Variants in FRAS1 observed in about 807,000 individuals in gnomAD.
FRAS1 encodes extracellular matrix organizing protein FRAS1.
Under a neutral mutation model 435.2 loss-of-function variants are expected in FRAS1, and 290 were observed. That is an observed-to-expected ratio of 0.67 (90% confidence interval 0.61 to 0.73). The LOEUF is 0.73. FRAS1 is among the 30% of genes least tolerant of loss of function. The probability of loss-of-function intolerance (pLI) is 0.00; values close to 1 mark genes in which losing one functional copy is unlikely to be tolerated. For missense variants in FRAS1, 4,860 were observed against 5,001.5 expected (o/e 0.97, Z 0.85); for synonymous variants, 1,800 against 1,851.0 (o/e 0.97, Z 0.71).
intron 67 of FRAS1, 90 bp downstream of exon 67, chr4:78,519,571 C>A: frequency 7.1e-7 from 1 of 1,416,686 alleles, no homozygotes; most frequent in Non-Finnish European, 9.6e-7. Context: ...ACAGTAGCTG[C>A]ATTTCTCATC....
intron 58 of FRAS1, among the ~76,000 whole-genome samples, chr4:78,483,658 A>G (rs568782042): frequency 1.5e-4 from 22 of 151,540 alleles, no homozygotes; most frequent in Admixed American, 1.1e-3. Context: ...GTATACTATG[A>G]AAATTAAATC....
At chr4:78,497,211 C>G (rs1720533166) in intron 60 of FRAS1, among the ~76,000 whole-genome samples, 2 of 152,056 alleles carry the variant, frequency 1.3e-5, no homozygotes, top group South Asian at 4.1e-4. Flanking sequence ...TGGTCAAAAG[C>G]TGAGACAGAA....
chr4:78,362,896 A>G (rs2219154), intron 20 of FRAS1, among the ~76,000 whole-genome samples: 27,915 of 152,086 alleles, frequency 0.18, 3,487 homozygotes, highest in African/African-American at 0.34. Flanking sequence ...GGTGGGGCAT[A>G]CCATAGGTAG....
At chr4:78,183,137 A>G (rs1015010573) in intron 2 of FRAS1, among the ~76,000 whole-genome samples, 11 of 152,196 alleles carry the variant, frequency 7.2e-5, no homozygotes, top group Admixed American at 1.3e-4. Flanking sequence ...TAGTGGGTCA[A>G]GCCAGATATG....
Position 78,469,987 on chromosome 4 carries a change from G to C in FRAS1, c.7267G>C (p.Ala2423Pro). 2 of 1,612,984 alleles carry C rather than the reference G, an allele frequency of 1.2e-6. No homozygotes were observed. The highest frequency in any genetic ancestry group is 1.7e-6 in the Non-Finnish European group (2 of 1,179,248). ...IEEGGKEIMT[A>P]APQPFRVDIL... ...CTGCCCTCCCCTTCAGATTATGACA[G>C]CAGCACCTCAGCCGTTCCGAGTAGA... is the stretch of plus-strand genomic sequence containing the variant. Residue 2423 changes from alanine (A) to proline (P), a missense_variant, in exon 51 of 74, where the codon GCA becomes CCA. Physicochemically the swap from Ala to Pro is conservative, Grantham distance 27. Transcript: ENST00000512123.
intron 2 of FRAS1, among the ~76,000 whole-genome samples, chr4:78,109,184 G>T (rs1742557793): frequency 2.6e-5 from 2 of 75,888 alleles, no homozygotes; most frequent in East Asian, 6.5e-4. Flanking sequence ...GGAGGAACTG[G>T]TACCATTCCT....
chr4:78,112,206 A>G (rs1742765533), intron 2 of FRAS1, among the ~76,000 whole-genome samples: 1 of 152,174 alleles, frequency 6.6e-6, no homozygotes, highest in African/African-American at 2.4e-5. Flanking sequence ...TGCTTGATAA[A>G]AAGTAATAAC....
At chr4:78,377,282 T>TG in intron 26 of FRAS1, among the ~76,000 whole-genome samples, 1 of 152,236 alleles carries the variant, frequency 6.6e-6, no homozygotes, top group African/African-American at 2.4e-5. Context: ...GACTTCCCCA[T>TG]GGGAAAAAAT....
At position 78,488,921 on chromosome 4, in the gene FRAS1, G is replaced by C. The variant is rs757664481; in HGVS notation, c.8799G>C (p.Lys2933Asn). The C allele has an allele frequency of 6.2e-7, 1 of 1,613,422 alleles. No homozygotes were observed. The highest frequency in any genetic ancestry group is 8.5e-7 in the Non-Finnish European group (1 of 1,179,690). The change falls in exon 59 of 74, where the codon AAG becomes AAC. Residue 2933 changes from lysine (K) to asparagine (N), a missense_variant. Coordinates refer to ENST00000512123, the MANE Select transcript of FRAS1 (RefSeq NM_025074.7). ...AGGATTTGCTCCTAGTGAAGGAGAA[G>C]GAGGGTGTCCTGCATGTCCCTATCA... ...FAKDLLLVKE[K>N]EGVLHVPITR...
intron 31 of FRAS1, among the ~76,000 whole-genome samples, chr4:78,408,741 G>A (rs1578305193): frequency 1.3e-5 from 2 of 152,168 alleles, no homozygotes; most frequent in African/African-American, 4.8e-5. Context: ...CAGATAGGTA[G>A]CATTATATAA....
chr4:78,063,951 T>C (rs937949207), intron 1 of FRAS1, among the ~76,000 whole-genome samples: 5 of 152,088 alleles, frequency 3.3e-5, no homozygotes, highest in African/African-American at 1.2e-4. Context: ...AATAATTAAA[T>C]ATGTCCATAT....
chr4:78,356,820 T>A (rs1433970362), intron 20 of FRAS1, among the ~76,000 whole-genome samples: 1 of 151,960 alleles, frequency 6.6e-6, no homozygotes, highest in Non-Finnish European at 1.5e-5. Flanking sequence ...AAATTCTCAT[T>A]TAAATCTATA....
chr4:78,459,600 C>T (rs370064913), intron 47 of FRAS1, among the ~76,000 whole-genome samples: 1 of 152,194 alleles, frequency 6.6e-6, no homozygotes. Flanking sequence ...AGGATGCACC[C>T]ATTGTCTTGG....
At chr4:78,356,460 G>A (rs1309088138) in intron 20 of FRAS1, among the ~76,000 whole-genome samples, 1 of 152,126 alleles carries the variant, frequency 6.6e-6, no homozygotes, top group African/African-American at 2.4e-5. Flanking sequence ...GAGTGAAAAG[G>A]TCTTCCCCAG....
At chr4:78,529,049 A>G (rs73828016) in intron 70 of FRAS1, among the ~76,000 whole-genome samples, 3,583 of 152,232 alleles carry the variant, frequency 0.024, 135 homozygotes, top group African/African-American at 0.082. Context: ...GTGATGGTGC[A>G]TAATGGGCCT....
At chr4:78,178,664 G>T (rs915614104) in intron 2 of FRAS1, among the ~76,000 whole-genome samples, 1 of 152,128 alleles carries the variant, frequency 6.6e-6, no homozygotes, top group African/African-American at 2.4e-5. Flanking sequence ...GGGGTGTAAT[G>T]GTGTCATATG....
chr4:78,153,205 C>A (rs1019289508), intron 2 of FRAS1, among the ~76,000 whole-genome samples: 1 of 152,104 alleles, frequency 6.6e-6, no homozygotes, highest in Non-Finnish European at 1.5e-5. Flanking sequence ...TCATTCCCCC[C>A]ACCCCTCACC....
chr4:78,479,909 C>CACT lies in FRAS1; in HGVS notation c.8443+192_8443+194dup, dbSNP rs377577679. On this transcript the variant is annotated intron_variant, in intron 56 of 73. Coordinates refer to ENST00000512123, the MANE Select transcript of FRAS1 (RefSeq NM_025074.7). ...GGAATTTATTATAGAGAGTTCCATC[C>CACT]ACTTTTCTTACTCTGATTTGTTTTA... Among the ~76,000 whole-genome samples the CACT allele has an allele frequency of 4.2e-3, 636 of 152,210 alleles. 4 individuals carry two copies. The highest frequency in any genetic ancestry group is 0.015 in the African/African-American group (618 of 41,532).
At chr4:78,342,223 A>C (rs1002966175) in intron 20 of FRAS1, among the ~76,000 whole-genome samples, 3 of 152,180 alleles carry the variant, frequency 2.0e-5, no homozygotes, top group Non-Finnish European at 4.4e-5. Flanking sequence ...CTCAGGATGC[A>C]TTCTCTATTT....
Sources: allele counts gnomAD v4.1 joint callset (sites outside exome capture counted in the v4.1 genomes callset), GRCh38; gene constraint gnomAD v4.1.1; transcripts MANE v1.5; gene names NCBI Gene and HGNC (gene_info 2026-07-23, HGNC 2026-07-21).